Variants in EGFL7 observed in about 807,000 individuals in gnomAD.
EGFL7 encodes the protein EGF like domain multiple 7.
A neutral mutation model predicts 37.1 loss-of-function variants in EGFL7; 48 were observed. The observed-to-expected ratio is 1.29, with a 90% CI of 1.03 to 1.65. The LOEUF is 1.65. EGFL7 is among the 40% of genes most tolerant of loss of function. The probability of loss-of-function intolerance (pLI) is 0.00; values close to 1 mark genes in which losing one functional copy is unlikely to be tolerated. For synonymous variants in EGFL7, 180 were observed against 156.8 expected, an observed-to-expected ratio of 1.15 and a Z score of -1.10; for missense variants, 384 against 378.9, an observed-to-expected ratio of 1.01 and a Z score of -0.11.
At chr9:136,661,498 A>T (rs1447295055), upstream of EGFL7, among the ~76,000 whole-genome samples, 2 of 152,104 alleles carry the variant, frequency 1.3e-5, no homozygotes, top group East Asian at 3.9e-4. Flanking sequence ...CTCTGGAAAG[A>T]GGCCCCTCCC....
upstream of EGFL7, among the ~76,000 whole-genome samples, chr9:136,661,740 C>T (rs1431539131): frequency 6.6e-6 from 1 of 152,190 alleles, no homozygotes; most frequent in African/African-American, 2.4e-5. Flanking sequence ...TTTCCACCTG[C>T]CCTCCAAAGT....
Position 136,668,375 on chromosome 9 carries a change from C to T in EGFL7, c.80+13C>T. On this transcript the variant is annotated intron_variant, in intron 4 of 10. Coordinates refer to ENST00000308874, the MANE Select transcript of EGFL7 (RefSeq NM_016215.5). ...CCTACCGGCCCGGGTGAGCCAAGCC[C>T]TAGCCTGGGAGTGCTGGGGTGGGGG... 2.5e-6 allele frequency: 4 copies of T among 1,583,412 alleles called. No individual in the cohort carries two copies. Among genetic ancestry groups the T allele is most frequent in the Non-Finnish European group, 3.4e-6 (4 of 1,164,072 alleles).
At chr9:136,668,394 G>A (rs752115523) in intron 4 of EGFL7, 32 bp downstream of exon 4, 33 of 1,555,804 alleles carry the variant, frequency 2.1e-5, no homozygotes, top group Non-Finnish European at 2.7e-5. Flanking sequence ...GAGTGCTGGG[G>A]TGGGGGGACC....
rs938004706 is a variant in EGFL7 at position 136,672,523 on chromosome 9, C to T, written c.*237C>T. 3.0e-5 allele frequency: 18 copies of T among 606,032 alleles called. No homozygotes were observed. The highest frequency in any genetic ancestry group is 1.4e-4 in the East Asian group (5 of 36,188). 37.5% of individuals were successfully genotyped at this position (606,032 alleles called of 1,614,324 possible). A position where few individuals can be genotyped will look rare whatever the true frequency, so the allele number is the denominator to read the frequency against. ...GCTACCCCCACCCTGGCTACCCCAA[C>T]GGCATCCCAAGGCCAGGTGGGCCCT... On this transcript the variant is annotated 3_prime_UTR_variant, in exon 11 of 11. Transcript: ENST00000308874.
chr9:136,665,526 G>C (rs1845403908), intron 3 of EGFL7, among the ~76,000 whole-genome samples: 1 of 152,172 alleles, frequency 6.6e-6, no homozygotes, highest in Admixed American at 6.5e-5. Context: ...CCCAGCGACC[G>C]CGCAGCGAGC....
Position 136,670,294 on chromosome 9 carries a change from A to G in EGFL7, c.535A>G (p.Lys179Glu). Residue 179 changes from lysine (K) to glutamate (E), a missense_variant, in exon 8 of 11, where the codon AAG becomes GAG. By Grantham distance (56) the Lys-to-Glu change is moderately conservative. Transcript: ENST00000308874. The stretch of plus-strand genomic sequence containing the variant: ...TGCAGACGGTACACTCTGTGTGCCC[A>G]AGGGAGGGCCCCCCAGGGTGGCCCC... ...LSADGTLCVP[K>E]GGPPRVAPNP... The G allele has an allele frequency of 6.2e-7, 1 of 1,602,624 alleles. No individual in the cohort carries two copies. The highest frequency in any genetic ancestry group is 1.1e-5 in the South Asian group (1 of 90,474).
intron 5 of EGFL7, 51 bp downstream of exon 5, chr9:136,668,724 C>T (rs771297117): frequency 3.9e-5 from 57 of 1,466,268 alleles, no homozygotes; most frequent in Admixed American, 8.4e-5. Flanking sequence ...CCCAAGTCGG[C>T]CACACATCAG....
At chr9:136,665,735 G>T (rs1422020475) in intron 3 of EGFL7, 82 of 146,460 alleles carry the variant, frequency 5.6e-4, no homozygotes, top group African/African-American at 2.0e-3. Context: ...GGGGCCGGGG[G>T]CGGGGCGGGG....
At chr9:136,661,789 G>T (rs1454501075), upstream of EGFL7, among the ~76,000 whole-genome samples, 1 of 152,192 alleles carries the variant, frequency 6.6e-6, no homozygotes, top group Non-Finnish European at 1.5e-5. Context: ...GCCTCCCTTG[G>T]CTCAAGTTGC....
chr9:136,660,813 G>A (rs376794773), upstream of EGFL7, among the ~76,000 whole-genome samples: 63 of 152,300 alleles, frequency 4.1e-4, no homozygotes, highest in African/African-American at 1.1e-3. Flanking sequence ...GGAAGGAAGG[G>A]TGAGGCAGCC....
intron 2 of EGFL7, among the ~76,000 whole-genome samples, chr9:136,664,036 C>T (rs558190192): frequency 6.6e-6 from 1 of 151,766 alleles, no homozygotes; most frequent in South Asian, 2.1e-4. Context: ...GGGAGGGTGG[C>T]GGTGGCTCTC....
intron 8 of EGFL7, chr9:136,670,611 C>T (rs755592094): frequency 1.8e-5 from 14 of 773,824 alleles, no homozygotes; most frequent in Non-Finnish European, 2.4e-5. Context: ...CCGCTGGCGA[C>T]GGGACATTAT....
rs1271139381 is a variant in EGFL7 at position 136,663,625 on chromosome 9, T to G, written c.-137+2T>G. On this transcript the variant is annotated splice_donor_variant, in intron 2 of 10. Coordinates refer to ENST00000308874, the MANE Select transcript of EGFL7 (RefSeq NM_016215.5). LOFTEE classifies it low-confidence loss of function (5UTR_SPLICE). ...CAGGATGAGCAGTGTGAATCCAGGGTGCGGGACGTGGGGCTCGGGCTTAGG... is the reference window on the plus strand; with the variant it reads ...CAGGATGAGCAGTGTGAATCCAGGGGGCGGGACGTGGGGCTCGGGCTTAGG... 3 of 152,052 alleles carry G rather than the reference T, an allele frequency of 2.0e-5. No homozygotes were observed. Among genetic ancestry groups the G allele is most frequent in the Non-Finnish European group, 4.4e-5 (3 of 68,016 alleles). The allele number at this position is 152,052 out of a possible 1,614,324, so 9.4% of individuals were successfully genotyped here.
chr9:136,660,959 C>T (rs1845109026), upstream of EGFL7, among the ~76,000 whole-genome samples: 1 of 152,156 alleles, frequency 6.6e-6, no homozygotes, highest in Non-Finnish European at 1.5e-5. Context: ...TGGGTCCTTC[C>T]ACCAGGAGGC....
chr9:136,671,764 A>G (rs1046728782), intron 9 of EGFL7, among the ~76,000 whole-genome samples, 162 bp from the exon 10 acceptor site: 1 of 152,164 alleles, frequency 6.6e-6, no homozygotes, highest in African/African-American at 2.4e-5. Context: ...CTCTGCGGCA[A>G]GCTTTTCTGC....
At chr9:136,665,121 C>T (rs551688464) in intron 3 of EGFL7, among the ~76,000 whole-genome samples, 1 of 152,350 alleles carries the variant, frequency 6.6e-6, no homozygotes, top group South Asian at 2.1e-4. Flanking sequence ...ATGGCCCTGA[C>T]TGTGCTGAAC....
In EGFL7 at chr9:136,670,161, T is replaced by G; in HGVS notation, c.410-8T>G. ...AGGCATGGCCGCCTGACACCCCGTTTCCTGCAGATGTGGATGAATGCAGTG... is the reference window on the plus strand; with the variant it reads ...AGGCATGGCCGCCTGACACCCCGTTGCCTGCAGATGTGGATGAATGCAGTG... On this transcript the variant is annotated splice_polypyrimidine_tract_variant and splice_region_variant and intron_variant, in intron 7 of 10. Transcript: ENST00000308874. 1 of 1,612,674 alleles carries G rather than the reference T, an allele frequency of 6.2e-7. No homozygotes were observed. Among genetic ancestry groups the G allele is most frequent in the African/African-American group, 1.3e-5 (1 of 75,036 alleles).
chr9:136,663,687 CTG>C (rs1845285474), intron 2 of EGFL7, 64 bp downstream of exon 2: 1 of 152,296 alleles, frequency 6.6e-6, no homozygotes, highest in African/African-American at 2.4e-5. Context: ...ATGGGTGACT[CTG>C]TGGGCCCCCC....
intron 2 of EGFL7, among the ~76,000 whole-genome samples, chr9:136,664,067 C>T (rs1000795334): frequency 8.6e-5 from 13 of 152,018 alleles, no homozygotes; most frequent in African/African-American, 2.7e-4. Context: ...GCCCCCTAGG[C>T]CCCACTCTGA....
Sources: gnomAD v4.1 joint callset for allele counts (sites outside exome capture counted in the v4.1 genomes callset) on GRCh38, gnomAD v4.1.1 for gene constraint, MANE v1.5 for transcripts, NCBI Gene and HGNC (gene_info 2026-07-23, HGNC 2026-07-21) for gene names.